Variants in CHAT observed in about 807,000 individuals in gnomAD.
CHAT encodes the protein acetyl CoA:choline O-acetyltransferase.
In CHAT, 61 loss-of-function variants were observed where a neutral mutation model predicts 76.9. That is an observed-to-expected ratio of 0.79 (90% confidence interval 0.65 to 0.98). The LOEUF is 0.98. CHAT is among the 50% of genes least tolerant of loss of function. The pLI is 0.00. For missense variants in CHAT, 946 were observed against 986.9 expected (o/e 0.96, Z 0.56); for synonymous variants, 407 against 397.4 (o/e 1.02, Z -0.29).
At chr10:49,635,999 A>G (rs895944018) in intron 7 of CHAT, among the ~76,000 whole-genome samples, 3 of 152,216 alleles carry the variant, frequency 2.0e-5, no homozygotes, top group African/African-American at 7.2e-5. Flanking sequence ...TACTTTTATG[A>G]AATGATTATG....
intron 11 of CHAT, among the ~76,000 whole-genome samples, chr10:49,654,341 C>T (rs542076214): frequency 4.6e-5 from 7 of 152,364 alleles, no homozygotes; most frequent in African/African-American, 7.2e-5. Context: ...TGTGGGGCCA[C>T]GACTTGCTGG....
intron 7 of CHAT, among the ~76,000 whole-genome samples, chr10:49,629,408 C>T (rs900943485): frequency 6.6e-6 from 1 of 152,224 alleles, no homozygotes; most frequent in Non-Finnish European, 1.5e-5. Context: ...ACTGCCCTCC[C>T]GGACCTAACC....
At chr10:49,660,477 A>G (rs527351922) in intron 13 of CHAT, among the ~76,000 whole-genome samples, 1 of 151,982 alleles carries the variant, frequency 6.6e-6, no homozygotes, top group South Asian at 2.1e-4. Flanking sequence ...TTCACTGTCT[A>G]TAACAAGAAG....
upstream of CHAT, chr10:49,612,575 T>C: frequency 1.9e-6 from 1 of 526,438 alleles, no homozygotes; most frequent in South Asian, 3.7e-5. Context: ...CTTGCGGAGG[T>C]GAAGAGGACC....
Position 49,667,278 on chromosome 10 carries a change from G to T in CHAT, c.*2232G>T, listed in dbSNP as rs1840359271. On this transcript the variant is annotated 3_prime_UTR_variant, in exon 15 of 15. Transcript: ENST00000337653. ...CATGGGGTCAAGTAGGGGCAGGGAGGCTTCATGGGGCCTACCTTTGGGATG... is the reference window on the plus strand; with the variant it reads ...CATGGGGTCAAGTAGGGGCAGGGAGTCTTCATGGGGCCTACCTTTGGGATG... 6.6e-6 allele frequency among the ~76,000 whole-genome samples: 1 copy of T among 152,176 alleles called. No individual in the cohort carries two copies. The highest frequency in any genetic ancestry group is 1.5e-5 in the Non-Finnish European group (1 of 68,040).
intron 2 of CHAT, 53 bp from the exon 3 acceptor site, chr10:49,619,672 A>T: frequency 1.3e-6 from 2 of 1,565,210 alleles, no homozygotes; most frequent in Non-Finnish European, 1.7e-6. Context: ...ACTTGGGGAC[A>T]GGCATGGGGC....
chr10:49,611,862 G>C (rs899224700), upstream of CHAT: 3 of 1,605,848 alleles, frequency 1.9e-6, no homozygotes, highest in African/African-American at 1.3e-5. Flanking sequence ...CGTGCATCGT[G>C]CCCGCCTGCC....
chr10:49,627,255 G>C (rs1838954783), intron 6 of CHAT, among the ~76,000 whole-genome samples: 2 of 152,240 alleles, frequency 1.3e-5, no homozygotes, highest in African/African-American at 4.8e-5. Context: ...GCATTTATAA[G>C]TGCAATTGCT....
chr10:49,636,568 T>C (rs1226106390), intron 7 of CHAT, among the ~76,000 whole-genome samples: 2 of 152,212 alleles, frequency 1.3e-5, no homozygotes, highest in Non-Finnish European at 2.9e-5. Flanking sequence ...CTCTTATATT[T>C]TCTGAAAGAG....
At chr10:49,627,296 A>G (rs1838956723) in intron 6 of CHAT, among the ~76,000 whole-genome samples, 1 of 152,214 alleles carries the variant, frequency 6.6e-6, no homozygotes, top group Non-Finnish European at 1.5e-5. Context: ...TTTAGTTTTG[A>G]TAGACACTGC....
At chr10:49,655,342 A>C (rs1177551251) in intron 12 of CHAT, 44 bp from the exon 13 acceptor site, 1 of 1,613,470 alleles carries the variant, frequency 6.2e-7, no homozygotes, top group Non-Finnish European at 8.5e-7. Context: ...TTTGGCTCCA[A>C]GCAGCCTTTT....
intron 10 of CHAT, among the ~76,000 whole-genome samples, chr10:49,651,059 G>A (rs1057038383): frequency 2.0e-5 from 3 of 152,076 alleles, no homozygotes; most frequent in Non-Finnish European, 4.4e-5. Context: ...TGGGGAAGAA[G>A]GAGGCTTCTT....
At chr10:49,621,990 A>ACGG in intron 4 of CHAT, 107 bp from the exon 5 acceptor site, 1 of 1,259,816 alleles carries the variant, frequency 7.9e-7, no homozygotes, top group Non-Finnish European at 1.2e-6. Flanking sequence ...AGGGAAGAGG[A>ACGG]AGGAGATGGA....
At chr10:49,610,891 A>G (rs1016793644), upstream of CHAT, 6 of 1,613,024 alleles carry the variant, frequency 3.7e-6, no homozygotes, top group East Asian at 4.5e-5. Context: ...CATGCTGTAC[A>G]TGGTCATCGT....
At chr10:49,646,765 G>T in intron 8 of CHAT, 91 bp downstream of exon 8, 2 of 1,422,204 alleles carry the variant, frequency 1.4e-6, no homozygotes, top group African/African-American at 1.4e-5. Context: ...GCCCAGGCCC[G>T]CACGTGCTTG....
At chr10:49,628,043 G>A (rs1838987854) in intron 7 of CHAT, among the ~76,000 whole-genome samples, 2 of 152,136 alleles carry the variant, frequency 1.3e-5, no homozygotes, top group South Asian at 4.2e-4. Flanking sequence ...AGAATACTGG[G>A]CGGGGCGGGG....
chr10:49,616,227 G>T, intron 1 of CHAT: 1 of 928,682 alleles, frequency 1.1e-6, no homozygotes. Flanking sequence ...GCCCCAGGGT[G>T]GTCAGCTGGC....
rs766734977 is a variant in CHAT, at chr10:49,666,414, G to C, written c.*1368G>C. ...GCACATTTTTATGGGAAGTCTAAAG[G>C]GCAGAGGGAGGGAGTAAGAAAGCAA... On this transcript the variant is annotated 3_prime_UTR_variant, in exon 15 of 15. Transcript: ENST00000337653. Among the ~76,000 whole-genome samples, 1 of 152,214 alleles carries C rather than the reference G, an allele frequency of 6.6e-6. No individual in the cohort carries two copies. Among genetic ancestry groups the C allele is most frequent in the Non-Finnish European group, 1.5e-5 (1 of 68,036 alleles).
chr10:49,639,198 C>T (rs967172620), intron 7 of CHAT, among the ~76,000 whole-genome samples: 2 of 152,190 alleles, frequency 1.3e-5, no homozygotes, highest in South Asian at 2.1e-4. Flanking sequence ...TGGGCCACTG[C>T]ACTCTCCAGC....
Sources: allele counts gnomAD v4.1 joint callset (sites outside exome capture counted in the v4.1 genomes callset), GRCh38; gene constraint gnomAD v4.1.1; transcripts MANE v1.5; gene names NCBI Gene and HGNC (gene_info 2026-07-23, HGNC 2026-07-21).